The following SPAG16 variants were observed in gnomAD, a reference collection of about 807,000 sequenced individuals.
The protein encoded by SPAG16 is sperm associated antigen 16.
Under a neutral mutation model 80.4 loss-of-function variants are expected in SPAG16, and 86 were observed. That is an observed-to-expected ratio of 1.07 (90% CI 0.90 to 1.28). SPAG16 has a LOEUF of 1.28. SPAG16 is among the 50% of genes most tolerant of loss of function. The pLI is 0.00. For synonymous variants in SPAG16, 294 were observed against 265.9 expected, an observed-to-expected ratio of 1.11 and a Z score of -1.03; for missense variants, 870 against 765.3, an observed-to-expected ratio of 1.14 and a Z score of -1.61.
intron 10 of SPAG16, among the ~76,000 whole-genome samples, chr2:213,598,402 A>C (rs58213648): frequency 0.061 from 9,310 of 152,214 alleles, 930 homozygotes; most frequent in African/African-American, 0.21. Context: ...TCAAATTAAT[A>C]TTTATTATTA....
chr2:213,907,576 CTG>C (rs2077482280), intron 11 of SPAG16, among the ~76,000 whole-genome samples: 1 of 152,016 alleles, frequency 6.6e-6, no homozygotes. Flanking sequence ...AAAGTGATAA[CTG>C]TACTCCTATG....
chr2:214,210,839 G>GCACACACACA (rs58316951), intron 15 of SPAG16, among the ~76,000 whole-genome samples: 28 of 149,514 alleles, frequency 1.9e-4, no homozygotes, highest in African/African-American at 6.9e-4. Flanking sequence ...ATGCGCGCGC[G>GCACACACACA]CACACACACA....
intron 12 of SPAG16, among the ~76,000 whole-genome samples, chr2:213,985,355 A>G (rs1036830241): frequency 6.6e-6 from 1 of 152,066 alleles, no homozygotes; most frequent in Admixed American, 6.6e-5. Flanking sequence ...GGTAGCACAA[A>G]TTCTATGTAT....
chr2:213,823,232 T>A (rs2073063145), intron 10 of SPAG16, among the ~76,000 whole-genome samples: 1 of 152,216 alleles, frequency 6.6e-6, no homozygotes, highest in Admixed American at 6.5e-5. Flanking sequence ...CTTGCCAACA[T>A]CTATTGTTTC....
intron 9 of SPAG16, among the ~76,000 whole-genome samples, chr2:213,453,652 C>T (rs1169037104): frequency 2.6e-5 from 4 of 152,134 alleles, no homozygotes; most frequent in African/African-American, 9.7e-5. Flanking sequence ...TGAAAGGCAA[C>T]AAGGTAGAAT....
intron 12 of SPAG16, among the ~76,000 whole-genome samples, chr2:213,993,588 A>C (rs2046380228): frequency 6.6e-6 from 1 of 152,192 alleles, no homozygotes; most frequent in South Asian, 2.1e-4. Flanking sequence ...AAGGGGAAGA[A>C]ATACTGACTC....
At chr2:214,384,480 G>A (rs1331227740) in intron 15 of SPAG16, among the ~76,000 whole-genome samples, 2 of 152,182 alleles carry the variant, frequency 1.3e-5, no homozygotes, top group African/African-American at 2.4e-5. Context: ...TTGGGTTTCA[G>A]AGTAGTGCCA....
At chr2:213,664,823 A>G (rs145486860) in intron 10 of SPAG16, among the ~76,000 whole-genome samples, 96 of 129,074 alleles carry the variant, frequency 7.4e-4, no homozygotes, top group Middle Eastern at 4.3e-3. Context: ...GTCTGTATGC[A>G]TGCATATATA....
At chr2:214,046,864 C>CA (rs2049353653) in intron 13 of SPAG16, among the ~76,000 whole-genome samples, 2 of 148,274 alleles carry the variant, frequency 1.3e-5, no homozygotes, top group South Asian at 2.1e-4. Flanking sequence ...AATTAATATA[C>CA]AAAAATTGGT....
chr2:214,276,654 G>A (rs1692483503), intron 15 of SPAG16, among the ~76,000 whole-genome samples: 1 of 152,220 alleles, frequency 6.6e-6, no homozygotes, highest in Admixed American at 6.5e-5. Context: ...TTTCTGCAGA[G>A]AGATCTGCTG....
chr2:213,856,043 C>T (rs1037931931), intron 10 of SPAG16, among the ~76,000 whole-genome samples: 1 of 152,126 alleles, frequency 6.6e-6, no homozygotes, highest in South Asian at 2.1e-4. Flanking sequence ...GTTCCTTCTG[C>T]CTATGAGCCT....
At chr2:213,947,790 C>G (rs2079540338) in intron 12 of SPAG16, among the ~76,000 whole-genome samples, 1 of 152,126 alleles carries the variant, frequency 6.6e-6, no homozygotes. Context: ...CTGTTCTATT[C>G]TACTGATCTA....
At chr2:213,727,568 G>A (rs2066826495) in intron 10 of SPAG16, among the ~76,000 whole-genome samples, 1 of 152,170 alleles carries the variant, frequency 6.6e-6, no homozygotes, top group African/African-American at 2.4e-5. Flanking sequence ...GTACAAAGGC[G>A]CTGACGTGGA....
chr2:214,244,730 T>G (rs1424388568), intron 15 of SPAG16, among the ~76,000 whole-genome samples: 1 of 152,152 alleles, frequency 6.6e-6, no homozygotes, highest in Admixed American at 6.6e-5. Context: ...TTGGTTTAAA[T>G]AAATAACACT....
chr2:213,589,639 G>A (rs1210891288), intron 10 of SPAG16, among the ~76,000 whole-genome samples: 1 of 151,974 alleles, frequency 6.6e-6, no homozygotes, highest in Admixed American at 6.6e-5. Context: ...AAATAATTTT[G>A]GGCTGGGCGT....
At chr2:213,554,698 C>T (rs188186584) in intron 10 of SPAG16, among the ~76,000 whole-genome samples, 15 of 149,988 alleles carry the variant, frequency 1.0e-4, no homozygotes, top group Admixed American at 9.3e-4. Flanking sequence ...ACTTCTAGAG[C>T]TGAAAAAATA....
Position 213,351,606 on chromosome 2 carries a change from T to C in SPAG16, c.762+961T>C, listed in dbSNP as rs569179321. 8.5e-5 allele frequency among the ~76,000 whole-genome samples: 13 copies of C among 152,324 alleles called. No homozygotes were observed. In the South Asian group the frequency reaches 2.5e-3, roughly 29 times the overall value. On this transcript the variant is annotated intron_variant, in intron 7 of 15. Transcript: ENST00000331683. ...TTTTTAGAATATATAAAACTGCAAC[T>C]ATGCTTAACATTCTATTATTGTTTT... is the stretch of plus-strand genomic sequence containing the variant.
At chr2:213,476,387 G>T (rs2073388993) in intron 9 of SPAG16, among the ~76,000 whole-genome samples, 1 of 152,172 alleles carries the variant, frequency 6.6e-6, no homozygotes, top group African/African-American at 2.4e-5. Context: ...TTCTGGAAGA[G>T]AAGCTGGATT....
intron 12 of SPAG16, among the ~76,000 whole-genome samples, chr2:213,998,925 G>T (rs2046656973): frequency 6.6e-6 from 1 of 152,162 alleles, no homozygotes; most frequent in Admixed American, 6.5e-5. Context: ...TCTGGTGCAA[G>T]AAATTTCTAA....
Sources: gnomAD v4.1 joint callset for allele counts (sites outside exome capture counted in the v4.1 genomes callset) on GRCh38, gnomAD v4.1.1 for gene constraint, MANE v1.5 for transcripts, NCBI Gene and HGNC (gene_info 2026-07-23, HGNC 2026-07-21) for gene names.